TCAIM: variants seen among roughly 807,000 people sequenced by gnomAD.
TCAIM encodes the protein T-cell activation inhibitor, mitochondrial.
In TCAIM, 36 loss-of-function variants were observed where a neutral mutation model predicts 58.6. That is an observed-to-expected ratio of 0.61 (90% CI 0.47 to 0.81). The LOEUF (loss-of-function observed/expected upper bound fraction) is 0.81. Ranked by LOEUF, TCAIM falls within the 30% of genes least tolerant of loss-of-function variation. TCAIM has a pLI of 0.00. For missense variants in TCAIM, 466 were observed against 579.6 expected (o/e 0.80, Z 2.01); for synonymous variants, 172 against 193.6 (o/e 0.89, Z 0.93).
In TCAIM at chr3:44,367,714, TA is replaced by T; in HGVS notation, c.572+10del. On this transcript the variant is annotated splice_region_variant and intron_variant, in intron 5 of 10. Coordinates refer to ENST00000342649, the MANE Select transcript of TCAIM (RefSeq NM_173826.4). ...AGAGTGGAAACAACTCTCACGTATG[TA>T]AAAGTTTTTATCTAACTAAACTGTA... The T allele has an allele frequency of 6.3e-7, 1 of 1,596,876 alleles. No individual in the cohort carries two copies. The highest frequency in any genetic ancestry group is 8.6e-7 in the Non-Finnish European group (1 of 1,169,180).
intron 1 of TCAIM, among the ~76,000 whole-genome samples, chr3:44,349,901 T>A (rs748980514): frequency 2.0e-5 from 3 of 152,128 alleles, no homozygotes; most frequent in Non-Finnish European, 4.4e-5. Flanking sequence ...ATTGGTGAGA[T>A]GTTCCTTGGG....
At chr3:44,382,053 A>C (rs1420164609) in intron 5 of TCAIM, among the ~76,000 whole-genome samples, 1 of 152,236 alleles carries the variant, frequency 6.6e-6, no homozygotes, top group Non-Finnish European at 1.5e-5. Flanking sequence ...CAATACCCAA[A>C]GCAAGTACAG....
rs531413558 is a variant in TCAIM, at chr3:44,360,880, T to C, written c.166-485T>C. Among the ~76,000 whole-genome samples the C allele has an allele frequency of 2.0e-5, 3 of 152,290 alleles. No individual in the cohort carries two copies. In the South Asian group the frequency reaches 6.2e-4, roughly 32 times the overall value. On this transcript the variant is annotated intron_variant, in intron 3 of 10. Transcript: ENST00000342649. ...CTCAGCCTCCCAAAAACTGCTGGGA[T>C]TATAGACATGAGCCACCACGTCCAG...
chr3:44,398,073 G>A (rs190246444), intron 8 of TCAIM, among the ~76,000 whole-genome samples: 70 of 151,158 alleles, frequency 4.6e-4, no homozygotes, highest in African/African-American at 1.6e-3. Context: ...AACCAAAAAC[G>A]GTGACATGAA....
intron 1 of TCAIM, among the ~76,000 whole-genome samples, chr3:44,349,875 G>A (rs536924737): frequency 1.8e-3 from 280 of 152,282 alleles, no homozygotes; most frequent in African/African-American, 6.4e-3. Context: ...GAAAGAGGCC[G>A]CTTACCCGAT....
At position 44,364,276 on chromosome 3, in the gene TCAIM, T is replaced by C. The variant is rs557398435; in HGVS notation, c.319+2758T>C. 3.3e-5 allele frequency among the ~76,000 whole-genome samples: 5 copies of C among 150,812 alleles called. No homozygotes were observed. The South Asian group carries it at 1.1e-3, about 32-fold the overall frequency. On this transcript the variant is annotated intron_variant, in intron 4 of 10. Coordinates refer to ENST00000342649, the MANE Select transcript of TCAIM (RefSeq NM_173826.4). ...AAATGTAAAAGGTTACAGAAAAAATTAAACTAGAAATGGGAGAAAAGATAT... is the reference window on the plus strand; with the variant it reads ...AAATGTAAAAGGTTACAGAAAAAATCAAACTAGAAATGGGAGAAAAGATAT...
At chr3:44,404,120 C>G (rs1702063780) in intron 10 of TCAIM, among the ~76,000 whole-genome samples, 1 of 152,160 alleles carries the variant, frequency 6.6e-6, no homozygotes, top group Admixed American at 6.5e-5. Context: ...CTTCCCCCAG[C>G]CTGAGGCACT....
chr3:44,338,429 C>T (rs984745558), upstream of TCAIM: 4 of 152,342 alleles, frequency 2.6e-5, no homozygotes, highest in African/African-American at 9.6e-5. Context: ...AATCCACGCC[C>T]TGGCTGTGCG....
chr3:44,338,757 C>T (rs576899499), upstream of TCAIM: 4 of 152,328 alleles, frequency 2.6e-5, no homozygotes, highest in Admixed American at 1.3e-4. Flanking sequence ...GGCGGAGCGA[C>T]TGTCCTCCCT....
chr3:44,356,835 C>T (rs1225336542), intron 2 of TCAIM, among the ~76,000 whole-genome samples: 8 of 148,994 alleles, frequency 5.4e-5, no homozygotes, highest in Non-Finnish European at 7.4e-5. Context: ...AAACAGTCGG[C>T]GGTAGTGGCA....
At chr3:44,368,555 A>G (rs971374884) in intron 5 of TCAIM, among the ~76,000 whole-genome samples, 3 of 152,210 alleles carry the variant, frequency 2.0e-5, no homozygotes, top group African/African-American at 7.2e-5. Context: ...ACGTGTATGT[A>G]TGTACCTACG....
intron 5 of TCAIM, among the ~76,000 whole-genome samples, chr3:44,374,369 T>A (rs894860759): frequency 1.3e-5 from 2 of 152,022 alleles, no homozygotes; most frequent in African/African-American, 4.8e-5. Context: ...AAATACTTCG[T>A]TTAGTTACAT....
intron 2 of TCAIM, among the ~76,000 whole-genome samples, chr3:44,355,403 G>A (rs1055954030): frequency 5.9e-5 from 9 of 152,150 alleles, no homozygotes; most frequent in African/African-American, 2.2e-4. Flanking sequence ...ATGAAAGAGG[G>A]TTTCAAATAC....
In TCAIM at chr3:44,396,824, A is replaced by G. The variant is rs761313396; in HGVS notation, c.875A>G (p.His292Arg). The stretch of plus-strand genomic sequence containing the variant: ...CTAGGAACAATGGATGTCCATCACC[A>G]CTGGACAAAAGTAAGAAAGAGCCTT... Reference protein sequence around the residue: ...VMLGTMDVHHHWTKLFERLPS... With the variant: ...VMLGTMDVHHRWTKLFERLPS... Residue 292 changes from histidine (H) to arginine (R), a missense_variant, in exon 8 of 11, where the codon CAC (histidine) becomes CGC (arginine). Physicochemically the swap from His to Arg is conservative, Grantham distance 29. Coordinates refer to ENST00000342649, the MANE Select transcript of TCAIM (RefSeq NM_173826.4). 6 of 1,613,650 alleles carry G rather than the reference A, an allele frequency of 3.7e-6. No homozygotes were observed. The highest frequency in any genetic ancestry group is 5.1e-6 in the Non-Finnish European group (6 of 1,179,770).
chr3:44,394,000 A>G (rs1701882670), intron 6 of TCAIM, among the ~76,000 whole-genome samples: 1 of 152,186 alleles, frequency 6.6e-6, no homozygotes, highest in Non-Finnish European at 1.5e-5. Context: ...CAGTCACTGG[A>G]CTTCCCATCA....
intron 6 of TCAIM, among the ~76,000 whole-genome samples, chr3:44,394,905 AAAAAAAAAAAAAAAAAATATATATATAT>A (rs1701899521): frequency 2.0e-5 from 1 of 48,834 alleles, no homozygotes; most frequent in East Asian, 6.0e-4. Context: ...AAAAAAAAAA[AAAAAAAAAAAAAAAAAATATATATATAT>A]ATATATATAT....
At chr3:44,392,325 T>C (rs887893375) in intron 5 of TCAIM, among the ~76,000 whole-genome samples, 1 of 152,126 alleles carries the variant, frequency 6.6e-6, no homozygotes, top group Admixed American at 6.5e-5. Context: ...TTTTTCTGAG[T>C]ACAATTTTTT....
intron 5 of TCAIM, among the ~76,000 whole-genome samples, chr3:44,375,208 G>C (rs1229282290): frequency 1.3e-5 from 2 of 152,094 alleles, no homozygotes; most frequent in African/African-American, 4.8e-5. Flanking sequence ...TAATCAAGCT[G>C]TCTTAGTCCA....
chr3:44,396,520 T>TA, intron 7 of TCAIM, 23 bp downstream of exon 7: 2 of 1,600,498 alleles, frequency 1.2e-6, no homozygotes, highest in South Asian at 1.1e-5. Context: ...CATTTTCTTT[T>TA]AAAAAATCAC....
Sources: allele counts gnomAD v4.1 joint callset (sites outside exome capture counted in the v4.1 genomes callset), GRCh38; gene constraint gnomAD v4.1.1; transcripts MANE v1.5; gene names NCBI Gene and HGNC (gene_info 2026-07-23, HGNC 2026-07-21).